XKR9: variants seen among roughly 807,000 people sequenced by gnomAD.
XKR9 encodes XK related 9.
A neutral mutation model predicts 32.0 loss-of-function variants in XKR9; 32 were observed. The ratio of observed to expected loss-of-function variants is 1.00; its 90% CI spans 0.76 to 1.34. The LOEUF is 1.34. Ranked by LOEUF, XKR9 falls within the 40% of genes most tolerant of loss-of-function variation. The pLI is 0.00. For missense variants in XKR9, 546 were observed against 429.7 expected, an observed-to-expected ratio of 1.27 and a Z score of -2.39; for synonymous variants, 168 against 143.4, an observed-to-expected ratio of 1.17 and a Z score of -1.22.
At chr8:70,841,654 GTCACAGA>G in the XKR9 span, among the ~76,000 whole-genome samples, 1 of 152,162 alleles carries the variant, frequency 6.6e-6, no homozygotes, top group East Asian at 1.9e-4. Context: ...ATGTTTTAGG[GTCACAGA>G]TCAGTCACTT....
the XKR9 span, among the ~76,000 whole-genome samples, chr8:71,064,938 A>G: frequency 6.6e-6 from 1 of 152,178 alleles, no homozygotes; most frequent in African/African-American, 2.4e-5. Context: ...GGACGCTGGG[A>G]AAGAGCTCTA....
chr8:70,887,537 T>C, the XKR9 span, among the ~76,000 whole-genome samples: 5 of 152,332 alleles, frequency 3.3e-5, no homozygotes, highest in African/African-American at 1.2e-4. Flanking sequence ...TTTCACGATA[T>C]TGATTCTTCC....
At chr8:70,695,130 T>C (rs1478715584) in intron 3 of XKR9, among the ~76,000 whole-genome samples, 1 of 35,158 alleles carries the variant, frequency 2.8e-5, no homozygotes, top group African/African-American at 5.1e-5. Flanking sequence ...TTGTTTTTCT[T>C]TTTTTTTTTT....
downstream of XKR9, among the ~76,000 whole-genome samples, chr8:70,793,671 T>A (rs993793833): frequency 2.0e-5 from 3 of 152,174 alleles, no homozygotes; most frequent in Non-Finnish European, 4.4e-5. Flanking sequence ...CATAGATGTA[T>A]AGGTTTATTT....
intron 2 of XKR9, among the ~76,000 whole-genome samples, chr8:70,789,020 A>G (rs974961909): frequency 6.6e-6 from 1 of 152,016 alleles, no homozygotes; most frequent in African/African-American, 2.4e-5. Context: ...CCTTATGAGG[A>G]CCATTATAAT....
the XKR9 span, among the ~76,000 whole-genome samples, chr8:70,967,527 T>C: frequency 6.6e-6 from 1 of 152,194 alleles, no homozygotes; most frequent in Non-Finnish European, 1.5e-5. Context: ...TGCTTCATAG[T>C]GTCACTGGTC....
intron 2 of XKR9, among the ~76,000 whole-genome samples, chr8:70,772,753 A>G (rs1411790718): frequency 6.6e-6 from 1 of 152,200 alleles, no homozygotes; most frequent in Admixed American, 6.6e-5. Context: ...GAAAAGATGA[A>G]CAGAAAAATT....
chr8:70,731,273 A>AAG (rs746028906), intron 4 of XKR9, among the ~76,000 whole-genome samples: 1 of 151,950 alleles, frequency 6.6e-6, no homozygotes, highest in Non-Finnish European at 1.5e-5. Flanking sequence ...CACACAGAGA[A>AAG]AGAGAGAGAG....
the XKR9 span, among the ~76,000 whole-genome samples, chr8:71,022,931 G>A: frequency 2.7e-5 from 4 of 150,614 alleles, no homozygotes; most frequent in South Asian, 2.1e-4. Flanking sequence ...TCAGGTCCAC[G>A]GTTTCTGCTT....
chr8:70,979,888 G>C, the XKR9 span, among the ~76,000 whole-genome samples: 2 of 152,348 alleles, frequency 1.3e-5, no homozygotes, highest in South Asian at 4.1e-4. Flanking sequence ...AGGCAGGCGG[G>C]CCTCCTTGAG....
downstream of XKR9, among the ~76,000 whole-genome samples, chr8:70,791,615 A>T (rs1324033229): frequency 1.3e-5 from 2 of 151,574 alleles, no homozygotes; most frequent in Non-Finnish European, 2.9e-5. Context: ...TCTTTCCCCC[A>T]CCACTCTCTT....
At chr8:70,989,846 A>G in the XKR9 span, among the ~76,000 whole-genome samples, 1 of 151,844 alleles carries the variant, frequency 6.6e-6, no homozygotes, top group South Asian at 2.1e-4. Context: ...TCTGTTCTCC[A>G]CTCTCTCATC....
intron 2 of XKR9, among the ~76,000 whole-genome samples, chr8:70,770,740 C>T (rs1452003616): frequency 6.6e-6 from 1 of 152,200 alleles, no homozygotes; most frequent in African/African-American, 2.4e-5. Context: ...ACTCAAGCCT[C>T]AGTAATGGTG....
At chr8:70,709,328 C>A (rs1805828166) in intron 4 of XKR9, among the ~76,000 whole-genome samples, 1 of 152,060 alleles carries the variant, frequency 6.6e-6, no homozygotes, top group Admixed American at 6.6e-5. Context: ...CTATGACAAA[C>A]CCACAGTCAA....
the XKR9 span, among the ~76,000 whole-genome samples, chr8:70,978,962 C>G: frequency 6.6e-6 from 1 of 152,010 alleles, no homozygotes. Flanking sequence ...CTGAATTTCT[C>G]TTCTCACTTC....
At chr8:70,991,597 G>T in the XKR9 span, among the ~76,000 whole-genome samples, 1 of 152,078 alleles carries the variant, frequency 6.6e-6, no homozygotes, top group Admixed American at 6.6e-5. Flanking sequence ...CGTGACTCAG[G>T]CTCTTTAACA....
chr8:70,673,946 T>C (rs540991558), intron 1 of XKR9, among the ~76,000 whole-genome samples: 1 of 152,272 alleles, frequency 6.6e-6, no homozygotes, highest in South Asian at 2.1e-4. Flanking sequence ...TGAGGGCATG[T>C]TAAAAATGAA....
intron 3 of XKR9, 38 bp from the exon 4 acceptor site, chr8:70,706,895 T>C: frequency 6.6e-7 from 1 of 1,511,508 alleles, no homozygotes; most frequent in Non-Finnish European, 9.0e-7. Context: ...TTACAAAGAA[T>C]ATAAAACTAA....
chr8:70,675,808 G>A (rs1042399356), intron 2 of XKR9, among the ~76,000 whole-genome samples: 1 of 152,056 alleles, frequency 6.6e-6, no homozygotes, highest in Non-Finnish European at 1.5e-5. Flanking sequence ...TATCATTATC[G>A]GCATTTGGGT....
Sources: gnomAD v4.1 joint callset for allele counts (sites outside exome capture counted in the v4.1 genomes callset) on GRCh38, gnomAD v4.1.1 for gene constraint, MANE v1.5 for transcripts, NCBI Gene and HGNC (gene_info 2026-07-23, HGNC 2026-07-21) for gene names.